The following ARHGAP44 variants were observed in gnomAD, a reference collection of about 807,000 sequenced individuals.
ARHGAP44 encodes the protein rho GTPase-activating protein 44.
A neutral mutation model predicts 106.8 loss-of-function variants in ARHGAP44; 43 were observed. The observed-to-expected ratio is 0.40, with a 90% CI of 0.32 to 0.52. The LOEUF (loss-of-function observed/expected upper bound fraction) is 0.52. ARHGAP44 is among the 20% of genes least tolerant of loss of function. The pLI, the probability that ARHGAP44 is intolerant of heterozygous loss-of-function variation, is 0.48. For missense variants in ARHGAP44, 866 were observed against 1,050.5 expected, an observed-to-expected ratio of 0.82 and a Z score of 2.43; for synonymous variants, 439 against 410.3, an observed-to-expected ratio of 1.07 and a Z score of -0.85.
chr17:12,848,124 T>C lies in ARHGAP44; in HGVS notation c.54-46816T>C, dbSNP rs542042987. Among the ~76,000 whole-genome samples the C allele has an allele frequency of 1.2e-4, 18 of 152,362 alleles. 1 individual carries two copies. In the South Asian group the frequency reaches 3.5e-3, roughly 30 times the overall value. On this transcript the variant is annotated intron_variant, in intron 1 of 20. Transcript: ENST00000379672. Reference sequence around the variant, plus strand: ...TGGACAAGTGTTACTTAGAATGCGATGTTGAATAGAGACAGATATCAGACT... The same window carrying C: ...TGGACAAGTGTTACTTAGAATGCGACGTTGAATAGAGACAGATATCAGACT...
chr17:12,938,582 TAAAA>T (rs67037408), intron 7 of ARHGAP44, among the ~76,000 whole-genome samples: 1 of 127,002 alleles, frequency 7.9e-6, no homozygotes, highest in Non-Finnish European at 1.7e-5. Flanking sequence ...AGCTATATAT[TAAAA>T]AAAAAAAAAA....
intron 15 of ARHGAP44, 129 bp downstream of exon 15, chr17:12,956,875 A>G: frequency 1.5e-6 from 1 of 653,050 alleles, no homozygotes. Flanking sequence ...AAACACACAC[A>G]CACACACACA....
At chr17:12,955,453 G>A (rs771626556) in intron 13 of ARHGAP44, among the ~76,000 whole-genome samples, 3 of 152,122 alleles carry the variant, frequency 2.0e-5, no homozygotes, top group African/African-American at 7.2e-5. Context: ...CCAACTGAGG[G>A]TAACTCCAAG....
Position 12,972,202 on chromosome 17 carries a change from C to CTGAA in ARHGAP44, c.1524-1089_1524-1086dup, listed in dbSNP as rs547668506. Among the ~76,000 whole-genome samples the CTGAA allele has an allele frequency of 1.4e-4, 22 of 152,238 alleles. No individual in the cohort carries two copies. The East Asian group carries it at 3.9e-3, about 27-fold the overall frequency. Reference sequence around the variant, plus strand: ...CTGGTTGGGAGTATATGTTTTCTCCCTGAATGAATGAATGTTTCTCCCTTA... The same window carrying CTGAA: ...CTGGTTGGGAGTATATGTTTTCTCCCTGAATGAATGAATGAATGTTTCTCCCTTA... On this transcript the variant is annotated intron_variant, in intron 16 of 20. Coordinates refer to ENST00000379672, the MANE Select transcript of ARHGAP44 (RefSeq NM_014859.6).
intron 1 of ARHGAP44, among the ~76,000 whole-genome samples, chr17:12,844,061 G>A (rs1369244682): frequency 3.3e-5 from 5 of 152,084 alleles, no homozygotes; most frequent in African/African-American, 1.2e-4. Flanking sequence ...TTAGCCTTAC[G>A]TGGACTCTTT....
At chr17:12,910,505 A>G (rs12450671) in intron 4 of ARHGAP44, among the ~76,000 whole-genome samples, 7,857 of 133,432 alleles carry the variant, frequency 0.059, 245 homozygotes, top group Admixed American at 0.1. Flanking sequence ...CTGGAGTGCA[A>G]TGACGCAATC....
In ARHGAP44 at chr17:12,918,534, T is replaced by C. The variant is rs185752552; in HGVS notation, c.388-1221T>C. 1.7e-3 allele frequency among the ~76,000 whole-genome samples: 264 copies of C among 152,252 alleles called. 1 individual carries two copies. Among genetic ancestry groups the C allele is most frequent in the African/African-American group, 6.0e-3 (248 of 41,556 alleles). On this transcript the variant is annotated intron_variant, in intron 5 of 20. Coordinates refer to ENST00000379672, the MANE Select transcript of ARHGAP44 (RefSeq NM_014859.6). ...AAAAAATATAAAAAGAGCATCTACA[T>C]ACAACCAAAATGGAAGAACTCGTAG... is the stretch of plus-strand genomic sequence containing the variant.
chr17:12,802,595 G>C (rs1033103896), intron 1 of ARHGAP44, among the ~76,000 whole-genome samples: 1 of 151,940 alleles, frequency 6.6e-6, no homozygotes, highest in South Asian at 2.1e-4. Context: ...CTCTTGGCCC[G>C]AGGACAGGGA....
intron 10 of ARHGAP44, among the ~76,000 whole-genome samples, chr17:12,948,798 T>C (rs1476489633): frequency 7.3e-6 from 1 of 136,752 alleles, no homozygotes; most frequent in East Asian, 2.3e-4. Context: ...GACCAGGTCT[T>C]AGTCGAATTC....
intron 20 of ARHGAP44, chr17:12,987,038 T>TTTTG: frequency 1.0e-5 from 12 of 1,191,248 alleles, no homozygotes; most frequent in East Asian, 5.3e-5. Context: ...TTTTTTTTTT[T>TTTTG]GTGACGTTCA....
intron 1 of ARHGAP44, among the ~76,000 whole-genome samples, chr17:12,798,095 A>T (rs917896926): frequency 3.9e-5 from 6 of 152,084 alleles, no homozygotes; most frequent in Admixed American, 1.3e-4. Context: ...TACTTTTTTT[A>T]AAAAAATTGA....
intron 3 of ARHGAP44, among the ~76,000 whole-genome samples, chr17:12,907,646 G>A (rs74885858): frequency 0.031 from 4,645 of 152,260 alleles, 250 homozygotes; most frequent in African/African-American, 0.11. Context: ...GTACCATGCA[G>A]CATTCCCTTT....
At chr17:12,912,308 A>G (rs1283890351) in intron 4 of ARHGAP44, among the ~76,000 whole-genome samples, 1 of 81,024 alleles carries the variant, frequency 1.2e-5, no homozygotes, top group Non-Finnish European at 2.4e-5. Context: ...GATAGAAGAT[A>G]TGAAATTCTC....
intron 1 of ARHGAP44, among the ~76,000 whole-genome samples, chr17:12,828,218 T>C (rs1415867264): frequency 6.6e-6 from 1 of 152,090 alleles, no homozygotes; most frequent in African/African-American, 2.4e-5. Flanking sequence ...TCTTTCTTTA[T>C]ACCTTATATT....
intron 1 of ARHGAP44, among the ~76,000 whole-genome samples, chr17:12,792,024 G>A (rs560263070): frequency 2.2e-4 from 33 of 152,288 alleles, no homozygotes; most frequent in African/African-American, 7.5e-4. Context: ...GACCATCCTT[G>A]GTTGGCCTTT....
intron 19 of ARHGAP44, among the ~76,000 whole-genome samples, chr17:12,983,819 A>AG (rs1491354104): frequency 3.9e-5 from 6 of 152,184 alleles, no homozygotes; most frequent in Admixed American, 3.3e-4. Flanking sequence ...AGAAAAAAAA[A>AG]CAACAAAAAA....
intron 6 of ARHGAP44, 127 bp from the exon 7 acceptor site, chr17:12,928,802 C>A: frequency 1.3e-6 from 1 of 758,406 alleles, no homozygotes; most frequent in Non-Finnish European, 2.1e-6. Flanking sequence ...TTTTCATGAC[C>A]TCCCTTTTCC....
chr17:12,973,417 G>A (rs1458709776), intron 17 of ARHGAP44, 98 bp downstream of exon 17: 3 of 1,320,452 alleles, frequency 2.3e-6, no homozygotes, highest in African/African-American at 1.5e-5. Context: ...AATGCGCCGC[G>A]TCTGGTTGCT....
chr17:12,952,498 C>T lies in ARHGAP44; in HGVS notation c.1056-3C>T. 1 of 1,570,994 alleles carries T rather than the reference C, an allele frequency of 6.4e-7. No homozygotes were observed. The stretch of plus-strand genomic sequence containing the variant: ...CCAATGACCTTTCCTATCAATTTCT[C>T]AGTGTCCAGGAGCAAGACAAGAAGC... On this transcript the variant is annotated splice_region_variant and splice_polypyrimidine_tract_variant and intron_variant, in intron 12 of 20. Coordinates refer to ENST00000379672, the MANE Select transcript of ARHGAP44 (RefSeq NM_014859.6).
Sources: gnomAD v4.1 joint callset for allele counts (sites outside exome capture counted in the v4.1 genomes callset) on GRCh38, gnomAD v4.1.1 for gene constraint, MANE v1.5 for transcripts, NCBI Gene and HGNC (gene_info 2026-07-23, HGNC 2026-07-21) for gene names.